Variants in DNAH1 observed in about 807,000 individuals in gnomAD.
The protein encoded by DNAH1 is axonemal beta dynein heavy chain 1.
A neutral mutation model predicts 484.3 loss-of-function variants in DNAH1; 327 were observed. The ratio of observed to expected loss-of-function variants is 0.68; its 90% CI spans 0.62 to 0.74. DNAH1 has a LOEUF of 0.74. Ranked by LOEUF, DNAH1 falls within the 30% of genes least tolerant of loss-of-function variation. The probability of loss-of-function intolerance (pLI) is 0.00; values close to 1 mark genes in which losing one functional copy is unlikely to be tolerated. For missense variants in DNAH1, 5,052 were observed against 5,546.8 expected (o/e 0.91, Z 2.83); for synonymous variants, 2,192 against 2,191.9 (o/e 1.00, Z 0.00).
In DNAH1 at chr3:52,351,979, G is replaced by T. The variant is rs1416383663; in HGVS notation, c.2747G>T (p.Trp916Leu). ...CCGGCCAGATGGATTGCCAGCAACT[G>T]GCCTTCTAAGATCCTTGGGCAGATA... The part of the protein sequence containing the change: ...DFNDKWIASN[W>L]PSKILGQIEL... The change falls in exon 17 of 78, where the codon TGG (tryptophan) becomes TTG (leucine). Residue 916 changes from tryptophan to leucine, a missense_variant. By Grantham distance (61) the Trp-to-Leu change is moderately conservative. Transcript: ENST00000420323. The T allele has an allele frequency of 6.2e-7, 1 of 1,602,416 alleles. No homozygotes were observed. The highest frequency in any genetic ancestry group is 1.3e-5 in the African/African-American group (1 of 74,778).
At chr3:52,373,509 A>T (rs1434340804) in intron 44 of DNAH1, 3 of 1,461,646 alleles carry the variant, frequency 2.1e-6, no homozygotes, top group Non-Finnish European at 9.4e-7. Context: ...CAGGAAAAAC[A>T]GCCTTGTTGC....
chr3:52,387,772 G>C (rs1313120236), intron 56 of DNAH1, among the ~76,000 whole-genome samples: 3 of 152,198 alleles, frequency 2.0e-5, no homozygotes, highest in Non-Finnish European at 4.4e-5. Flanking sequence ...AGAGCCCCAG[G>C]GGGTGGGGTA....
rs963734165 is a variant in DNAH1, at chr3:52,358,382, A to C, written c.4087-176A>C. Among the ~76,000 whole-genome samples the C allele has an allele frequency of 2.6e-5, 4 of 151,886 alleles. No homozygotes were observed. Among genetic ancestry groups the C allele is most frequent in the Admixed American group, 1.3e-4 (2 of 15,268 alleles). ...CTGGGGCCTGACCACTGCTGGGGAG[A>C]AGGCAGGCCATCCAGCCTGGGAAGG... On this transcript the variant is annotated intron_variant, in intron 24 of 77. Coordinates refer to ENST00000420323, the MANE Select transcript of DNAH1 (RefSeq NM_015512.5). The surrounding 1 kb of genome is among the most constrained non-coding windows in gnomAD (Gnocchi z 4.2).
intron 65 of DNAH1, 136 bp from the exon 66 acceptor site, chr3:52,393,198 C>G (rs1384530505): frequency 1.4e-6 from 2 of 1,477,508 alleles, no homozygotes; most frequent in Non-Finnish European, 1.9e-6. Context: ...AGCCCCTTCA[C>G]TGGGAACACC....
chr3:52,388,656 C>G, intron 58 of DNAH1, 47 bp downstream of exon 58: 1 of 1,611,182 alleles, frequency 6.2e-7, no homozygotes, highest in Non-Finnish European at 8.5e-7. Context: ...CCGGCCCAGA[C>G]AGGGGCCAGA....
chr3:52,318,504 C>T (rs1331963315), intron 1 of DNAH1, among the ~76,000 whole-genome samples: 1 of 152,260 alleles, frequency 6.6e-6, no homozygotes, highest in Non-Finnish European at 1.5e-5. Context: ...TCATTCCTTT[C>T]TCCACCTTGC....
In DNAH1 at chr3:52,356,783, G is replaced by C. The variant is rs755582453; in HGVS notation, c.3858+5G>C. On this transcript the variant is annotated splice_donor_5th_base_variant and intron_variant, in intron 22 of 77. Coordinates refer to ENST00000420323, the MANE Select transcript of DNAH1 (RefSeq NM_015512.5). ...AATGCCTACGAGAACCGGGAGGCAAGCTCAATGAGGGTGGGAGGGGCAGCT... is the reference window on the plus strand; with the variant it reads ...AATGCCTACGAGAACCGGGAGGCAACCTCAATGAGGGTGGGAGGGGCAGCT... The C allele has an allele frequency of 1.7e-5, 27 of 1,595,626 alleles. No homozygotes were observed. The highest frequency in any genetic ancestry group is 1.9e-5 in the Non-Finnish European group (22 of 1,170,894).
At chr3:52,378,046 A>T (rs932261181) in intron 46 of DNAH1, among the ~76,000 whole-genome samples, 2 of 151,888 alleles carry the variant, frequency 1.3e-5, no homozygotes, top group Non-Finnish European at 2.9e-5. Context: ...CCAAGTTTCC[A>T]CTGACAGAAT....
chr3:52,395,538 C>T lies in DNAH1; in HGVS notation c.11128-9C>T, dbSNP rs1559573855. On this transcript the variant is annotated splice_polypyrimidine_tract_variant and intron_variant, in intron 69 of 77. Coordinates refer to ENST00000420323, the MANE Select transcript of DNAH1 (RefSeq NM_015512.5). This position sits in a 1 kb window ranked among gnomAD's most constrained non-coding sequence, Gnocchi z 4.4. ...GCTGGCCCCCTGCTCAGTGCTCTTG[C>T]CCCTGCAGGGCCCTCGGGCAGAAGC... 6.2e-7 allele frequency: 1 copy of T among 1,613,490 alleles called. No individual in the cohort carries two copies.
chr3:52,372,868 G>C (rs1342554128), intron 43 of DNAH1, 28 bp from the exon 44 acceptor site: 2 of 1,598,676 alleles, frequency 1.3e-6, no homozygotes, highest in Non-Finnish European at 1.7e-6. Context: ...GCCTGTGGGT[G>C]CTGGGCTCAC....
intron 8 of DNAH1, among the ~76,000 whole-genome samples, chr3:52,340,976 C>T (rs1164661137): frequency 6.6e-6 from 1 of 151,924 alleles, no homozygotes; most frequent in Non-Finnish European, 1.5e-5. Context: ...TCCTTCCTCC[C>T]TCCCTTCCTT....
chr3:52,396,136 T>C (rs1704613379), intron 70 of DNAH1, among the ~76,000 whole-genome samples: 1 of 152,124 alleles, frequency 6.6e-6, no homozygotes, highest in South Asian at 2.1e-4. Flanking sequence ...CATTTCACCA[T>C]GTTGGCCAGG....
chr3:52,354,633 A>AG (rs1204290450), intron 20 of DNAH1, among the ~76,000 whole-genome samples: 1 of 142,646 alleles, frequency 7.0e-6, no homozygotes, highest in African/African-American at 2.8e-5. Flanking sequence ...ACTCCACCTC[A>AG]GAAAAAAAAA....
chr3:52,369,975 C>G lies in DNAH1; in HGVS notation c.6094C>G (p.Pro2032Ala), dbSNP rs370701362. Residue 2032 changes from proline (P) to alanine (A), a missense_variant, in exon 38 of 78, where the codon CCC (proline) becomes GCC (alanine). Pro to Ala is a conservative substitution (Grantham distance 27). This residue lies in a region of DNAH1 where 2,929 missense variants were observed against 3,409.4 expected (regional missense o/e 0.86). Coordinates refer to ENST00000420323, the MANE Select transcript of DNAH1 (RefSeq NM_015512.5). ...WLRKLPPLLKPYEEHFKALFV... is the reference protein window; with the variant it reads ...WLRKLPPLLKAYEEHFKALFV... The stretch of plus-strand genomic sequence containing the variant: ...GAGGAAGCTGCCTCCCTTGCTGAAG[C>G]CCTATGAGGAGCATTTCAAGGCCCT... 3 of 1,613,756 alleles carry G rather than the reference C, an allele frequency of 1.9e-6. No individual in the cohort carries two copies. In the African/African-American group the frequency reaches 4.0e-5, roughly 22 times the overall value.
chr3:52,396,948 C>T lies in DNAH1; in HGVS notation c.11691C>T (p.Ile3897=), dbSNP rs1704661382. 2.5e-6 allele frequency: 4 copies of T among 1,612,968 alleles called. No individual in the cohort carries two copies. The highest frequency in any genetic ancestry group is 1.3e-5 in the African/African-American group (1 of 74,986). Residue 3897 remains isoleucine (I), a synonymous_variant, in exon 73 of 78, where the codon ATC becomes ATT. Transcript: ENST00000420323. The stretch of plus-strand genomic sequence containing the variant: ...GGGACCGGCGCTGCATCATGAACAT[C>T]TTGGAGGACTTCTACAACCCTGACG... ...DDWDRRCIMN[I]LEDFYNPDVL... is the part of the protein sequence containing the mutation.
intron 63 of DNAH1, 93 bp from the exon 64 acceptor site, chr3:52,392,371 C>T (rs981182442): frequency 8.5e-7 from 1 of 1,179,680 alleles, no homozygotes; most frequent in Non-Finnish European, 1.2e-6. Context: ...CTCTTGGAGC[C>T]CCAGAAGCAC....
rs890567690 is a variant in DNAH1 at position 52,395,859 on chromosome 3, C to T, written c.11259+181C>T. ...TTAATCCTCTCAATCCACCCCCACC[C>T]CCAGTTACCTGTACAAGCGGTGATG... On this transcript the variant is annotated intron_variant, in intron 70 of 77. Transcript: ENST00000420323. The surrounding 1 kb of genome is among the most constrained non-coding windows in gnomAD (Gnocchi z 4.4). 6.6e-6 allele frequency among the ~76,000 whole-genome samples: 1 copy of T among 152,186 alleles called. No homozygotes were observed. The highest frequency in any genetic ancestry group is 2.4e-5 in the African/African-American group (1 of 41,460).
intron 3 of DNAH1, among the ~76,000 whole-genome samples, chr3:52,324,778 G>A (rs1701275532): frequency 6.6e-6 from 1 of 152,170 alleles, no homozygotes; most frequent in Non-Finnish European, 1.5e-5. Context: ...ATTGGGAATG[G>A]TGCTCCTGCC....
chr3:52,390,666 T>A (rs565561993), intron 60 of DNAH1, among the ~76,000 whole-genome samples: 1 of 152,248 alleles, frequency 6.6e-6, no homozygotes, highest in African/African-American at 2.4e-5. Flanking sequence ...TCTGTGGGTT[T>A]CTCTGTCCAT....
Sources: allele counts gnomAD v4.1 joint callset (sites outside exome capture counted in the v4.1 genomes callset), GRCh38; gene constraint gnomAD v4.1.1; regional missense constraint gnomAD v4.1.1; non-coding constraint Gnocchi (gnomAD v3.1); transcripts MANE v1.5; gene names NCBI Gene and HGNC (gene_info 2026-07-23, HGNC 2026-07-21).